The following PKIA variants were observed in gnomAD, a reference collection of about 807,000 sequenced individuals.
PKIA encodes the protein PKI-alpha.
In PKIA, 4 loss-of-function variants were observed where a neutral mutation model predicts 7.6. The observed-to-expected ratio is 0.52, with a 90% CI of 0.26 to 1.20. The LOEUF is 1.20. Among genes scored for constraint, PKIA ranks in the 50% most tolerant of loss-of-function variants. The probability of loss-of-function intolerance (pLI) is 0.13; values close to 1 mark genes in which losing one functional copy is unlikely to be tolerated. For missense variants in PKIA, 73 were observed against 86.2 expected, an observed-to-expected ratio of 0.85 and a Z score of 0.61; for synonymous variants, 21 against 30.7, an observed-to-expected ratio of 0.68 and a Z score of 1.04.
intron 1 of PKIA, among the ~76,000 whole-genome samples, chr8:78,562,982 G>GA (rs1316507794): frequency 1.3e-4 from 20 of 152,034 alleles, no homozygotes; most frequent in Middle Eastern, 3.4e-3. Flanking sequence ...ATGTAACAAG[G>GA]AAAAAATCTT....
chr8:78,594,270 A>T (rs1278036297), intron 2 of PKIA, among the ~76,000 whole-genome samples: 1 of 152,140 alleles, frequency 6.6e-6, no homozygotes, highest in Admixed American at 6.5e-5. Context: ...GGGTGGAGTA[A>T]CAGACTTGAA....
intron 1 of PKIA, among the ~76,000 whole-genome samples, chr8:78,549,347 C>T (rs903670020): frequency 1.3e-5 from 2 of 151,530 alleles, no homozygotes; most frequent in Non-Finnish European, 2.9e-5. Context: ...CACTAAAAGG[C>T]AAAAATCTGG....
intron 2 of PKIA, among the ~76,000 whole-genome samples, chr8:78,583,845 G>A (rs1439985523): frequency 6.6e-6 from 1 of 151,956 alleles, no homozygotes; most frequent in Non-Finnish European, 1.5e-5. Flanking sequence ...ATATCCCACT[G>A]CTCAAAGTCA....
chr8:78,542,950 G>A (rs1027728294), intron 1 of PKIA, among the ~76,000 whole-genome samples: 1 of 152,104 alleles, frequency 6.6e-6, no homozygotes, highest in African/African-American at 2.4e-5. Context: ...TTTCAGCAGC[G>A]AGAACTTCCT....
At chr8:78,525,562 C>T (rs1304990007) in intron 1 of PKIA, among the ~76,000 whole-genome samples, 1 of 151,936 alleles carries the variant, frequency 6.6e-6, no homozygotes, top group Non-Finnish European at 1.5e-5. Context: ...TTAGGCAATA[C>T]TTAAATGTTT....
At chr8:78,589,359 T>C (rs958280777) in intron 2 of PKIA, among the ~76,000 whole-genome samples, 4 of 152,186 alleles carry the variant, frequency 2.6e-5, no homozygotes, top group African/African-American at 9.6e-5. Context: ...ATGAGTAGCT[T>C]TGAGGTCACT....
chr8:78,577,282 A>C (rs958567382), intron 2 of PKIA, among the ~76,000 whole-genome samples: 15 of 151,862 alleles, frequency 9.9e-5, no homozygotes, highest in African/African-American at 3.4e-4. Flanking sequence ...TACAAGTGGG[A>C]GCTAAATGAT....
At chr8:78,558,631 A>T (rs1175741337) in intron 1 of PKIA, 1 of 115,784 alleles carries the variant, frequency 8.6e-6, no homozygotes, top group Admixed American at 1.0e-4. Context: ...AATTACCTCC[A>T]CCTGGGTCCC....
chr8:78,585,126 G>C (rs1287301604), intron 2 of PKIA, among the ~76,000 whole-genome samples: 2 of 151,656 alleles, frequency 1.3e-5, no homozygotes, highest in East Asian at 3.9e-4. Flanking sequence ...TTTTTATTTT[G>C]TTAGTATAGC....
At chr8:78,587,940 G>T (rs139056927) in intron 2 of PKIA, among the ~76,000 whole-genome samples, 1 of 152,262 alleles carries the variant, frequency 6.6e-6, no homozygotes, top group African/African-American at 2.4e-5. Context: ...CTTAAACAAG[G>T]AGGATCTTGA....
chr8:78,577,585 A>G (rs1297520959), intron 2 of PKIA, among the ~76,000 whole-genome samples: 1 of 151,954 alleles, frequency 6.6e-6, no homozygotes, highest in Non-Finnish European at 1.5e-5. Flanking sequence ...ACATACCTAA[A>G]TTTACTAAGT....
chr8:78,576,677 G>T (rs543544757), intron 2 of PKIA, among the ~76,000 whole-genome samples: 18 of 152,148 alleles, frequency 1.2e-4, no homozygotes, highest in African/African-American at 3.1e-4. Context: ...GCTAATGAGT[G>T]AACTGTGCAG....
At chr8:78,524,556 A>G (rs1285400010) in intron 1 of PKIA, among the ~76,000 whole-genome samples, 2 of 151,842 alleles carry the variant, frequency 1.3e-5, no homozygotes, top group Non-Finnish European at 2.9e-5. Context: ...ATAATCAGTA[A>G]AAAAGAGTTT....
chr8:78,524,982 T>G (rs556006506), intron 1 of PKIA, among the ~76,000 whole-genome samples: 4 of 152,028 alleles, frequency 2.6e-5, no homozygotes, highest in African/African-American at 9.6e-5. Flanking sequence ...ACAAGCTCAT[T>G]GTGATTGCTT....
At chr8:78,553,033 A>T (rs1220430112) in intron 1 of PKIA, among the ~76,000 whole-genome samples, 1 of 151,780 alleles carries the variant, frequency 6.6e-6, no homozygotes, top group Non-Finnish European at 1.5e-5. Context: ...TTTATTTTTT[A>T]AATTTGAATA....
At chr8:78,600,719 G>A (rs942505309) in intron 3 of PKIA, among the ~76,000 whole-genome samples, 1 of 152,048 alleles carries the variant, frequency 6.6e-6, no homozygotes, top group African/African-American at 2.4e-5. Flanking sequence ...TACTGCTTTA[G>A]AAGAAAATAT....
At chr8:78,598,918 C>G (rs573980415) in intron 3 of PKIA, among the ~76,000 whole-genome samples, 3 of 152,150 alleles carry the variant, frequency 2.0e-5, no homozygotes, top group Admixed American at 6.5e-5. Context: ...AGATATTTAA[C>G]AAGATTCACA....
chr8:78,558,802 G>A (rs779639382), intron 1 of PKIA, among the ~76,000 whole-genome samples: 2 of 152,174 alleles, frequency 1.3e-5, no homozygotes, highest in African/African-American at 4.8e-5. Flanking sequence ...ATCATTAAGC[G>A]ATACTTAAAC....
chr8:78,591,611 T>C (rs1373364985), intron 2 of PKIA, among the ~76,000 whole-genome samples: 2 of 152,196 alleles, frequency 1.3e-5, no homozygotes, highest in Non-Finnish European at 2.9e-5. Context: ...CTTTAAAATT[T>C]AATACAACTT....
Sources: gnomAD v4.1 joint callset for allele counts (sites outside exome capture counted in the v4.1 genomes callset) on GRCh38, gnomAD v4.1.1 for gene constraint, MANE v1.5 for transcripts, NCBI Gene and HGNC (gene_info 2026-07-23, HGNC 2026-07-21) for gene names.